Variants in CD28 observed in about 807,000 individuals in gnomAD.
CD28 encodes the protein CD28 molecule.
A neutral mutation model predicts 21.4 loss-of-function variants in CD28; 8 were observed. The ratio of observed to expected loss-of-function variants is 0.37; its 90% confidence interval spans 0.22 to 0.68. The LOEUF (loss-of-function observed/expected upper bound fraction) is 0.68, where lower values mean the gene tolerates loss of function less well. Ranked by LOEUF, CD28 falls within the 30% of genes least tolerant of loss-of-function variation. CD28 has a pLI of 0.55. For missense variants in CD28, 239 were observed against 272.2 expected (o/e 0.88, Z 0.86); for synonymous variants, 106 against 104.0 (o/e 1.02, Z -0.12).
chr2:203,708,950 T>G (rs1367894928), intron 1 of CD28, among the ~76,000 whole-genome samples: 1 of 152,064 alleles, frequency 6.6e-6, no homozygotes, highest in African/African-American at 2.4e-5. Context: ...TGAAATCCCA[T>G]CTCTACTAAA....
chr2:203,722,164 C>T (rs183997969), intron 1 of CD28, among the ~76,000 whole-genome samples: 1 of 152,194 alleles, frequency 6.6e-6, no homozygotes, highest in Non-Finnish European at 1.5e-5. Flanking sequence ...AATAGAAACA[C>T]AATTCCCAGG....
chr2:203,723,681 C>A (rs192526133), intron 1 of CD28, among the ~76,000 whole-genome samples: 1 of 152,088 alleles, frequency 6.6e-6, no homozygotes, highest in African/African-American at 2.4e-5. Flanking sequence ...GCAAATCAAA[C>A]CATGATGAGA....
intron 1 of CD28, among the ~76,000 whole-genome samples, chr2:203,719,206 T>C (rs746088864): frequency 3.9e-5 from 6 of 152,222 alleles, no homozygotes; most frequent in Non-Finnish European, 8.8e-5. Flanking sequence ...TCTTCCATTA[T>C]TTGTGTGACC....
At chr2:203,713,852 G>GGAGAGAGAGAGA (rs57737764) in intron 1 of CD28, among the ~76,000 whole-genome samples, 3 of 141,670 alleles carry the variant, frequency 2.1e-5, no homozygotes, top group African/African-American at 8.0e-5. Context: ...AGAGAGAGAG[G>GGAGAGAGAGAGA]GAGAGAGAGA....
chr2:203,708,558 TG>T (rs1693222746), intron 1 of CD28, among the ~76,000 whole-genome samples: 1 of 152,244 alleles, frequency 6.6e-6, no homozygotes, highest in Non-Finnish European at 1.5e-5. Flanking sequence ...GAAGAGTTTT[TG>T]GTAAGACTCA....
chr2:203,713,793 T>C (rs1559550818), intron 1 of CD28, among the ~76,000 whole-genome samples: 1 of 151,416 alleles, frequency 6.6e-6, no homozygotes. Flanking sequence ...GCTGAGTGAC[T>C]TAAGTATGTT....
At chr2:203,708,011 T>G (rs2106106147) in intron 1 of CD28, among the ~76,000 whole-genome samples, 1 of 152,286 alleles carries the variant, frequency 6.6e-6, no homozygotes, top group South Asian at 2.1e-4. Flanking sequence ...CTGATAGGGG[T>G]CAACAGTCAT....
intron 1 of CD28, among the ~76,000 whole-genome samples, chr2:203,719,355 A>G (rs966987553): frequency 6.6e-5 from 10 of 152,162 alleles, no homozygotes; most frequent in Non-Finnish European, 1.5e-4. Context: ...CTAATAAAAT[A>G]GTGGGGAAAA....
intron 1 of CD28, among the ~76,000 whole-genome samples, chr2:203,709,133 C>A (rs1281173552): frequency 6.6e-6 from 1 of 151,858 alleles, no homozygotes; most frequent in Non-Finnish European, 1.5e-5. Flanking sequence ...AATTATGCTG[C>A]ATTCTAATCA....
intron 1 of CD28, among the ~76,000 whole-genome samples, chr2:203,711,267 A>G (rs760334972): frequency 6.6e-6 from 1 of 152,216 alleles, no homozygotes; most frequent in Non-Finnish European, 1.5e-5. Context: ...TTCCTTGTTA[A>G]TCTCATTTTG....
At chr2:203,723,457 A>G (rs1411965317) in intron 1 of CD28, among the ~76,000 whole-genome samples, 3 of 151,788 alleles carry the variant, frequency 2.0e-5, no homozygotes, top group Non-Finnish European at 4.4e-5. Flanking sequence ...ACTGCACTCC[A>G]GCCTGGGTGA....
chr2:203,730,467 A>G (rs1403315808), intron 3 of CD28, among the ~76,000 whole-genome samples: 1 of 152,168 alleles, frequency 6.6e-6, no homozygotes, highest in East Asian at 1.9e-4. Context: ...TGATGAACGC[A>G]CCTACAGTTA....
At chr2:203,725,487 AAG>A (rs1491480437) in intron 1 of CD28, among the ~76,000 whole-genome samples, 1,533 of 149,302 alleles carry the variant, frequency 0.01, 23 homozygotes, top group African/African-American at 0.036. Flanking sequence ...ATCATTAGAA[AAG>A]AAAAAAAAAA....
chr2:203,719,104 C>T (rs938048463), intron 1 of CD28, among the ~76,000 whole-genome samples: 8 of 152,226 alleles, frequency 5.3e-5, no homozygotes, highest in African/African-American at 1.4e-4. Flanking sequence ...GAAATAAATT[C>T]AGTCTTGCTG....
rs146241966 is a variant in CD28, at chr2:203,716,378, G to A, written c.52+9630G>A. 5.9e-5 allele frequency among the ~76,000 whole-genome samples: 9 copies of A among 152,306 alleles called. No homozygotes were observed. The East Asian group carries it at 1.5e-3, about 26-fold the overall frequency. ...TTCATGTACCACGGATGGCTTCGGA[G>A]AGTAGCTGATTGTGTACCTGCCTTC... On this transcript the variant is annotated intron_variant, in intron 1 of 3. Coordinates refer to ENST00000324106, the MANE Select transcript of CD28 (RefSeq NM_006139.4).
chr2:203,723,863 C>T (rs1294030021), intron 1 of CD28, among the ~76,000 whole-genome samples: 4 of 152,146 alleles, frequency 2.6e-5, no homozygotes, highest in Non-Finnish European at 5.9e-5. Context: ...ATAGAGTTAC[C>T]ATATGACCCA....
At chr2:203,729,829 AC>A in intron 3 of CD28, 57 bp downstream of exon 3, 1 of 1,568,596 alleles carries the variant, frequency 6.4e-7, no homozygotes, top group Non-Finnish European at 8.7e-7. Flanking sequence ...AAATCTGAAC[AC>A]ATTCAAGAAT....
chr2:203,726,574 C>A, intron 1 of CD28, 59 bp from the exon 2 acceptor site: 1 of 1,307,226 alleles, frequency 7.6e-7, no homozygotes, highest in Non-Finnish European at 1.1e-6. Flanking sequence ...ATTTTGCTCT[C>A]AGGAAGAAAA....
chr2:203,712,841 T>C (rs1302834222), intron 1 of CD28, among the ~76,000 whole-genome samples: 1 of 152,220 alleles, frequency 6.6e-6, no homozygotes, highest in African/African-American at 2.4e-5. Flanking sequence ...TTTGCACTTA[T>C]AATGTGCCAG....
Sources: gnomAD v4.1 joint callset for allele counts (sites outside exome capture counted in the v4.1 genomes callset) on GRCh38, gnomAD v4.1.1 for gene constraint, MANE v1.5 for transcripts, NCBI Gene and HGNC (gene_info 2026-07-23, HGNC 2026-07-21) for gene names.